The following CNOT3 variants were observed in gnomAD, a reference collection of about 807,000 sequenced individuals.
CNOT3 encodes CCR4-NOT transcription complex subunit 3.
A neutral mutation model predicts 89.4 loss-of-function variants in CNOT3; 2 were observed. The observed-to-expected ratio is 0.02, with a 90% CI of 0.01 to 0.07. The LOEUF is 0.07. Ranked by LOEUF, CNOT3 falls within the 10% of genes least tolerant of loss-of-function variation. The pLI is 1.00. For synonymous variants in CNOT3, 486 were observed against 402.0 expected (o/e 1.21, Z -2.50); for missense variants, 664 against 1,010.2 (o/e 0.66, Z 4.65).
At chr19:54,146,065 G>C (rs1190392709) in intron 9 of CNOT3, 22 bp downstream of exon 9, 2 of 1,610,132 alleles carry the variant, frequency 1.2e-6, no homozygotes, top group Non-Finnish European at 1.7e-6. Flanking sequence ...CGGGACACTA[G>C]TACCTTGTGT....
At chr19:54,155,261 C>G in intron 17 of CNOT3, 48 bp from the exon 18 acceptor site, 1 of 1,606,204 alleles carries the variant, frequency 6.2e-7, no homozygotes. Context: ...GGCCCAGATC[C>G]CAGACCACCT....
In CNOT3 at chr19:54,145,322, A is replaced by C. The variant is rs1228473057; in HGVS notation, c.484-276A>C. Among the ~76,000 whole-genome samples, 1 of 152,122 alleles carries C rather than the reference A, an allele frequency of 6.6e-6. No homozygotes were observed. Among genetic ancestry groups the C allele is most frequent in the Non-Finnish European group, 1.5e-5 (1 of 68,006 alleles). On this transcript the variant is annotated intron_variant, in intron 7 of 17. Coordinates refer to ENST00000221232, the MANE Select transcript of CNOT3 (RefSeq NM_014516.4). This position sits in a 1 kb window ranked among gnomAD's most constrained non-coding sequence, Gnocchi z 5.9. ...GGAGGCCAAGTCGTGGGATGGCACAAGGACCTCTGGGTCTTTTAGAGGTTT... is the reference window on the plus strand; with the variant it reads ...GGAGGCCAAGTCGTGGGATGGCACACGGACCTCTGGGTCTTTTAGAGGTTT...
chr19:54,150,644 T>G (rs1233284685), intron 13 of CNOT3, among the ~76,000 whole-genome samples: 2 of 84,444 alleles, frequency 2.4e-5, no homozygotes, highest in Non-Finnish European at 6.2e-5. Flanking sequence ...GCTGTCCAGG[T>G]CCAAGTCTTG....
chr19:54,143,241 G>A, intron 3 of CNOT3, 55 bp downstream of exon 3: 1 of 1,516,420 alleles, frequency 6.6e-7, no homozygotes, highest in Non-Finnish European at 9.2e-7. Context: ...GGCACAGGAA[G>A]GCGGCTCAGG....
At chr19:54,138,590 C>T (rs1361068865) in intron 1 of CNOT3, among the ~76,000 whole-genome samples, 1 of 152,222 alleles carries the variant, frequency 6.6e-6, no homozygotes, top group Admixed American at 6.5e-5. Flanking sequence ...CCGCATCCCT[C>T]CTCACTGCTC....
chr19:54,139,103 C>T (rs1312681966), intron 1 of CNOT3, among the ~76,000 whole-genome samples: 4 of 152,206 alleles, frequency 2.6e-5, no homozygotes, highest in African/African-American at 9.7e-5. Flanking sequence ...CCACTGCGGG[C>T]AGCACCAGCC....
At chr19:54,146,736 C>T (rs940979751) in intron 10 of CNOT3, 79 bp downstream of exon 10, 33 of 829,758 alleles carry the variant, frequency 4.0e-5, no homozygotes, top group Non-Finnish European at 6.2e-5. Flanking sequence ...GCCTGAGCGC[C>T]GGCCACTGTG....
Position 54,153,003 on chromosome 19 carries a change from C to T in CNOT3, c.2037+4C>T, listed in dbSNP as rs1383408269. On this transcript the variant is annotated splice_donor_region_variant and intron_variant, in intron 16 of 17. Coordinates refer to ENST00000221232, the MANE Select transcript of CNOT3 (RefSeq NM_014516.4). ...CTTCATCTTCTACTATCTGGAGGTA[C>T]AGCAGGGCCCCCGGGGCAGCCTCGG... 1.9e-6 allele frequency: 3 copies of T among 1,601,966 alleles called. No homozygotes were observed. The highest frequency in any genetic ancestry group is 1.7e-5 in the Admixed American group (1 of 59,050).
intron 15 of CNOT3, 109 bp downstream of exon 15, chr19:54,152,735 C>T (rs934902285): frequency 2.9e-6 from 3 of 1,045,350 alleles, no homozygotes; most frequent in Admixed American, 1.8e-5. Flanking sequence ...GACTTGGGCT[C>T]TCCACTGAAG....
chr19:54,147,351 T>C (rs2074735975), intron 10 of CNOT3, among the ~76,000 whole-genome samples: 2 of 152,090 alleles, frequency 1.3e-5, no homozygotes. Flanking sequence ...AGGAGGCTGG[T>C]GTGGAGACTA....
At chr19:54,140,212 G>C (rs932489337) in intron 1 of CNOT3, among the ~76,000 whole-genome samples, 1 of 152,120 alleles carries the variant, frequency 6.6e-6, no homozygotes, top group Non-Finnish European at 1.5e-5. Context: ...TGATTTTAGC[G>C]TGTTGGCTCC....
At chr19:54,149,823 T>C in intron 13 of CNOT3, 65 bp downstream of exon 13, 1 of 1,480,808 alleles carries the variant, frequency 6.8e-7, no homozygotes, top group Non-Finnish European at 9.1e-7. Context: ...CCTCCAGGTC[T>C]CTAGCTGCAC....
At chr19:54,138,289 T>G (rs1188671231) in intron 1 of CNOT3, among the ~76,000 whole-genome samples, 3 of 151,936 alleles carry the variant, frequency 2.0e-5, no homozygotes, top group African/African-American at 7.3e-5. Flanking sequence ...TGGCATCGCG[T>G]CGGGCCCCCC....
chr19:54,153,490 C>G (rs1249824537), intron 16 of CNOT3: 2 of 777,534 alleles, frequency 2.6e-6, no homozygotes, highest in African/African-American at 3.4e-5. Context: ...TTTCTTCCTT[C>G]TCAAAGCTTC....
At chr19:54,154,100 C>A in intron 17 of CNOT3, 1 of 679,022 alleles carries the variant, frequency 1.5e-6, no homozygotes, top group Non-Finnish European at 2.8e-6. Context: ...TGGAGCCACC[C>A]AGCCCAGTGC....
At chr19:54,149,455 T>C (rs1483047932) in intron 12 of CNOT3, 105 bp from the exon 13 acceptor site, 4 of 629,050 alleles carry the variant, frequency 6.4e-6, no homozygotes, top group Non-Finnish European at 1.0e-5. Flanking sequence ...CCCTCTCAGA[T>C]CCCATCTGAT....
intron 3 of CNOT3, 96 bp from the exon 4 acceptor site, chr19:54,143,346 G>T: frequency 7.4e-7 from 1 of 1,356,952 alleles, no homozygotes. Context: ...AGGGGTTGGG[G>T]GGGGTCCTCG....
intron 1 of CNOT3, among the ~76,000 whole-genome samples, chr19:54,138,713 G>A (rs771480287): frequency 3.3e-5 from 5 of 152,238 alleles, no homozygotes; most frequent in Non-Finnish European, 7.3e-5. Context: ...AGCCTTTGCC[G>A]AAGTTTCCAC....
rs754852540 is a variant in CNOT3 at position 54,153,873 on chromosome 19, A to C, written c.2163+33A>C. ...CCCCGCCCCCTCTCTTCCCGCTGCTAGGGTTGGGGTAGAGTCCCCAGGCTC... is the reference window on the plus strand; with the variant it reads ...CCCCGCCCCCTCTCTTCCCGCTGCTCGGGTTGGGGTAGAGTCCCCAGGCTC... On this transcript the variant is annotated intron_variant, in intron 17 of 17. Coordinates refer to ENST00000221232, the MANE Select transcript of CNOT3 (RefSeq NM_014516.4). 4 of 1,613,832 alleles carry C rather than the reference A, an allele frequency of 2.5e-6. No homozygotes were observed. The African/African-American group carries it at 5.3e-5, about 22-fold the overall frequency.
Sources: allele counts gnomAD v4.1 joint callset (sites outside exome capture counted in the v4.1 genomes callset), GRCh38; gene constraint gnomAD v4.1.1; non-coding constraint Gnocchi (gnomAD v3.1); transcripts MANE v1.5; gene names NCBI Gene and HGNC (gene_info 2026-07-23, HGNC 2026-07-21).